FAF1: variants seen among roughly 807,000 people sequenced by gnomAD.
FAF1 encodes the protein FAS-associated factor 1.
A neutral mutation model predicts 92.5 loss-of-function variants in FAF1; 25 were observed. The ratio of observed to expected loss-of-function variants is 0.27; its 90% confidence interval spans 0.20 to 0.38. The LOEUF (loss-of-function observed/expected upper bound fraction) is 0.38, where lower values mean the gene tolerates loss of function less well. FAF1 is among the 10% of genes least tolerant of loss of function. The probability of loss-of-function intolerance (pLI) is 1.00; values close to 1 mark genes in which losing one functional copy is unlikely to be tolerated. For synonymous variants in FAF1, 234 were observed against 273.2 expected, an observed-to-expected ratio of 0.86 and a Z score of 1.42; for missense variants, 636 against 793.3, an observed-to-expected ratio of 0.80 and a Z score of 2.38.
In FAF1 at chr1:50,553,643, G is replaced by A. The variant is rs564258679; in HGVS notation, c.1268+13434C>T. 4.6e-5 allele frequency among the ~76,000 whole-genome samples: 7 copies of A among 152,206 alleles called. No individual in the cohort carries two copies. The South Asian group carries it at 6.2e-4, about 14-fold the overall frequency. On this transcript the variant is annotated intron_variant, in intron 13 of 18. Coordinates refer to ENST00000396153, the MANE Select transcript of FAF1 (RefSeq NM_007051.3). The stretch of plus-strand genomic sequence containing the variant: ...CCTCTAGAGCACTATGCTTGATCCC[G>A]GCACCTTTAGAAGGGGCTGGGTCTA...
At chr1:50,466,508 T>C (rs1329605219) in intron 18 of FAF1, among the ~76,000 whole-genome samples, 3 of 152,230 alleles carry the variant, frequency 2.0e-5, no homozygotes. Context: ...TGTAACTGTG[T>C]ATATCACATT....
intron 2 of FAF1, among the ~76,000 whole-genome samples, chr1:50,848,149 TA>T (rs569566013): frequency 1.3e-5 from 2 of 151,898 alleles, no homozygotes; most frequent in African/African-American, 4.8e-5. Flanking sequence ...AAAAATAATT[TA>T]AAAAAAACAA....
At chr1:50,716,300 A>G (rs954400401) in intron 6 of FAF1, among the ~76,000 whole-genome samples, 8 of 152,190 alleles carry the variant, frequency 5.3e-5, no homozygotes, top group African/African-American at 1.9e-4. Flanking sequence ...TCCCTCTTAA[A>G]GTCTTCAGTA....
intron 18 of FAF1, among the ~76,000 whole-genome samples, chr1:50,456,425 A>ACCAC (rs1246737072): frequency 2.0e-5 from 3 of 152,124 alleles, no homozygotes; most frequent in Non-Finnish European, 4.4e-5. Context: ...TACTTCCAAG[A>ACCAC]CCACCGTAAG....
chr1:50,553,341 A>G (rs1285625905), intron 13 of FAF1, among the ~76,000 whole-genome samples: 1 of 152,230 alleles, frequency 6.6e-6, no homozygotes, highest in East Asian at 1.9e-4. Flanking sequence ...TCTGGAGAAC[A>G]TGTCTAGGAA....
intron 1 of FAF1, among the ~76,000 whole-genome samples, chr1:50,876,494 G>A (rs766672136): frequency 2.0e-5 from 3 of 152,136 alleles, no homozygotes; most frequent in Non-Finnish European, 4.4e-5. Context: ...ACATACACAC[G>A]TACACTAATG....
At chr1:50,808,499 G>A (rs932062551) in intron 2 of FAF1, among the ~76,000 whole-genome samples, 3 of 152,176 alleles carry the variant, frequency 2.0e-5, no homozygotes, top group African/African-American at 7.2e-5. Context: ...ACTGTATGCT[G>A]TCATCAAGAG....
chr1:50,616,830 G>A (rs1004258184), intron 8 of FAF1, among the ~76,000 whole-genome samples: 19 of 152,082 alleles, frequency 1.2e-4, no homozygotes, highest in South Asian at 2.1e-4. Context: ...ACAAGCATGC[G>A]CCACCATGCC....
intron 1 of FAF1, among the ~76,000 whole-genome samples, chr1:50,947,120 A>G (rs139623062): frequency 6.6e-6 from 1 of 152,290 alleles, no homozygotes; most frequent in Non-Finnish European, 1.5e-5. Context: ...AGTTACTGCT[A>G]TTACTCTTTC....
intron 18 of FAF1, among the ~76,000 whole-genome samples, chr1:50,468,407 C>T (rs563663802): frequency 1.3e-5 from 2 of 151,930 alleles, no homozygotes; most frequent in South Asian, 4.2e-4. Context: ...ATTCTCGTGC[C>T]TCAGCCTCCC....
At chr1:50,609,541 C>T (rs746937962) in intron 8 of FAF1, among the ~76,000 whole-genome samples, 1 of 152,166 alleles carries the variant, frequency 6.6e-6, no homozygotes, top group Non-Finnish European at 1.5e-5. Flanking sequence ...CATGCCACCA[C>T]ATCTGGCCAA....
At chr1:50,850,724 T>A (rs1256314585) in intron 2 of FAF1, among the ~76,000 whole-genome samples, 1 of 152,148 alleles carries the variant, frequency 6.6e-6, no homozygotes, top group Admixed American at 6.5e-5. Context: ...CTTTAATTAA[T>A]ATTTTACTTA....
At chr1:50,813,339 T>A (rs1643934856) in intron 2 of FAF1, among the ~76,000 whole-genome samples, 1 of 152,118 alleles carries the variant, frequency 6.6e-6, no homozygotes, top group Non-Finnish European at 1.5e-5. Flanking sequence ...AAGAAGAAAA[T>A]TTCACTGAGA....
At chr1:50,459,353 G>A (rs1486571464) in intron 18 of FAF1, among the ~76,000 whole-genome samples, 1 of 152,044 alleles carries the variant, frequency 6.6e-6, no homozygotes. Context: ...ACTGCCAGGG[G>A]CATTTTCTGG....
rs57421400 is a variant in FAF1 at position 50,772,422 on chromosome 1, A to C, written c.367+15578T>G. ...TCATATGTTCATTGCAACAGTATTC[A>C]CAATAGCTAAGACATGGAATTAACC... On this transcript the variant is annotated intron_variant, in intron 4 of 18. Coordinates refer to ENST00000396153, the MANE Select transcript of FAF1 (RefSeq NM_007051.3). Among the ~76,000 whole-genome samples the C allele has an allele frequency of 7.5e-3, 1,144 of 152,318 alleles. 23 individuals are homozygous for C. Among genetic ancestry groups the C allele is most frequent in the African/African-American group, 0.026 (1,090 of 41,566 alleles).
At chr1:50,631,171 G>C (rs1653771345) in intron 8 of FAF1, among the ~76,000 whole-genome samples, 1 of 151,972 alleles carries the variant, frequency 6.6e-6, no homozygotes, top group Admixed American at 6.6e-5. Context: ...TAGCTATCCT[G>C]TTCCATTGTT....
chr1:50,714,263 G>A (rs1658078427), intron 6 of FAF1, among the ~76,000 whole-genome samples: 1 of 150,610 alleles, frequency 6.6e-6, no homozygotes, highest in Non-Finnish European at 1.5e-5. Context: ...AGCACTTTGG[G>A]AGGCTGAGGC....
At chr1:50,884,286 G>A (rs545041930) in intron 1 of FAF1, among the ~76,000 whole-genome samples, 12 of 151,940 alleles carry the variant, frequency 7.9e-5, no homozygotes, top group South Asian at 2.1e-4. Flanking sequence ...AGGCCGAGGC[G>A]GATGGATCAC....
intron 8 of FAF1, among the ~76,000 whole-genome samples, chr1:50,651,044 T>C (rs1272776201): frequency 2.6e-5 from 4 of 152,218 alleles, no homozygotes; most frequent in South Asian, 2.1e-4. Context: ...TGTAAATGAG[T>C]GTTGACTTCA....
Sources: allele counts gnomAD v4.1 joint callset (sites outside exome capture counted in the v4.1 genomes callset), GRCh38; gene constraint gnomAD v4.1.1; transcripts MANE v1.5; gene names NCBI Gene and HGNC (gene_info 2026-07-23, HGNC 2026-07-21).